Variants in KCMF1 observed in about 807,000 individuals in gnomAD.
KCMF1 encodes E3 ubiquitin-protein ligase KCMF1.
Under a neutral mutation model 41.1 loss-of-function variants are expected in KCMF1, and 3 were observed. The observed-to-expected ratio is 0.07, with a 90% CI of 0.03 to 0.19. The LOEUF (loss-of-function observed/expected upper bound fraction) is 0.19, where lower values mean the gene tolerates loss of function less well. Ranked by LOEUF, KCMF1 falls within the 10% of genes least tolerant of loss-of-function variation. The pLI, the probability that KCMF1 is intolerant of heterozygous loss-of-function variation, is 1.00. For synonymous variants in KCMF1, 142 were observed against 164.5 expected (o/e 0.86, Z 1.04); for missense variants, 286 against 488.9 (o/e 0.58, Z 3.91).
intron 1 of KCMF1, among the ~76,000 whole-genome samples, chr2:85,024,619 TGAGAAA>T (rs1303024103): frequency 1.3e-5 from 2 of 151,732 alleles, no homozygotes; most frequent in South Asian, 2.1e-4. Context: ...CGTGTGTGTG[TGAGAAA>T]GAGAAAGATT....
At chr2:85,008,635 G>A (rs1674575226) in intron 1 of KCMF1, among the ~76,000 whole-genome samples, 1 of 151,634 alleles carries the variant, frequency 6.6e-6, no homozygotes, top group Non-Finnish European at 1.5e-5. Context: ...AAAGAAGGAG[G>A]CAGAGCATTG....
intron 1 of KCMF1, among the ~76,000 whole-genome samples, chr2:84,983,449 C>T (rs1011398183): frequency 6.6e-6 from 1 of 152,184 alleles, no homozygotes; most frequent in South Asian, 2.1e-4. Flanking sequence ...ACCTCAATCT[C>T]CTGAGTGGAT....
intron 1 of KCMF1, among the ~76,000 whole-genome samples, chr2:84,986,881 CAAA>C (rs1192661086): frequency 6.6e-6 from 1 of 151,502 alleles, no homozygotes; most frequent in Non-Finnish European, 1.5e-5. Context: ...GACTCCGTCT[CAAA>C]AAAAAGAAAG....
chr2:85,056,816 A>C lies in KCMF1; in HGVS notation c.*3407A>C, dbSNP rs957270550. The C allele has an allele frequency of 6.6e-6, 1 of 152,198 alleles. No individual in the cohort carries two copies. 9.4% of individuals were successfully genotyped at this position (152,198 alleles called of 1,614,324 possible). A position where few individuals can be genotyped will look rare whatever the true frequency, so the allele number is the denominator to read the frequency against. ...CCTGCAGCCGTGTTTACTATATATG[A>C]CATGCCTGTTTCTTAGTTTGCATGC... On this transcript the variant is annotated 3_prime_UTR_variant, in exon 7 of 7. Coordinates refer to ENST00000409785, the MANE Select transcript of KCMF1 (RefSeq NM_020122.5).
intron 6 of KCMF1, among the ~76,000 whole-genome samples, chr2:85,051,093 G>A (rs559534797): frequency 5.3e-5 from 8 of 152,286 alleles, no homozygotes; most frequent in East Asian, 3.9e-4. Flanking sequence ...AATGGTACTC[G>A]TTATCAACAT....
intron 4 of KCMF1, 120 bp downstream of exon 4, chr2:85,043,785 A>C (rs1193369242): frequency 5.7e-6 from 4 of 706,608 alleles, no homozygotes; most frequent in Non-Finnish European, 1.0e-5. Context: ...CCTGAGCTCA[A>C]GTGATCCTCC....
intron 1 of KCMF1, among the ~76,000 whole-genome samples, chr2:84,990,312 C>T (rs762483029): frequency 6.6e-6 from 1 of 152,072 alleles, no homozygotes; most frequent in Non-Finnish European, 1.5e-5. Flanking sequence ...TATTTTGGCA[C>T]ATAATAGAGA....
chr2:84,991,092 G>T (rs75665928), intron 1 of KCMF1, among the ~76,000 whole-genome samples: 1 of 152,190 alleles, frequency 6.6e-6, no homozygotes, highest in African/African-American at 2.4e-5. Context: ...ATGGAGGCAT[G>T]ACAGTGATGA....
chr2:84,983,218 A>G (rs913346034), intron 1 of KCMF1, among the ~76,000 whole-genome samples: 2 of 152,240 alleles, frequency 1.3e-5, no homozygotes, highest in African/African-American at 4.8e-5. Flanking sequence ...TTAAAAAAGG[A>G]GGTGAAATTA....
At chr2:84,994,801 T>G (rs1370287513) in intron 1 of KCMF1, among the ~76,000 whole-genome samples, 2 of 152,214 alleles carry the variant, frequency 1.3e-5, no homozygotes, top group Non-Finnish European at 2.9e-5. Context: ...CCAGATAAGA[T>G]CCACATGTTA....
At chr2:84,993,829 G>T (rs1674106188) in intron 1 of KCMF1, among the ~76,000 whole-genome samples, 1 of 151,996 alleles carries the variant, frequency 6.6e-6, no homozygotes, top group Non-Finnish European at 1.5e-5. Flanking sequence ...GCCCACCTTG[G>T]CCTCCCAAAG....
Position 84,988,232 on chromosome 2 carries a change from C to CA in KCMF1, c.16+16778dup, listed in dbSNP as rs879272344. 9.2e-4 allele frequency among the ~76,000 whole-genome samples: 119 copies of CA among 129,926 alleles called. 1 individual carries two copies. Among genetic ancestry groups the CA allele is most frequent in the South Asian group, 4.2e-3 (17 of 4,096 alleles). 85.2% of individuals were successfully genotyped at this position (129,926 alleles called of 152,430 possible). ...GGGCAACAAGAGTGAAACTCCATTT[C>CA]AAAAAAAAAAAAAGTAGGCTTCTTG... is the stretch of plus-strand genomic sequence containing the variant. On this transcript the variant is annotated intron_variant, in intron 1 of 6. Coordinates refer to ENST00000409785, the MANE Select transcript of KCMF1 (RefSeq NM_020122.5).
At chr2:85,029,039 G>A (rs1407471200) in intron 2 of KCMF1, among the ~76,000 whole-genome samples, 1 of 151,834 alleles carries the variant, frequency 6.6e-6, no homozygotes, top group African/African-American at 2.4e-5. Flanking sequence ...GCCGGATTTC[G>A]GCTCACTGCA....
intron 1 of KCMF1, among the ~76,000 whole-genome samples, chr2:85,015,310 A>G (rs1392159199): frequency 6.6e-6 from 1 of 151,952 alleles, no homozygotes; most frequent in Non-Finnish European, 1.5e-5. Context: ...GAATTCCCAC[A>G]TTGTCCCAGG....
chr2:85,046,293 C>T lies in KCMF1; in HGVS notation c.601+15C>T, dbSNP rs530797475. 1 of 1,601,722 alleles carries T rather than the reference C, an allele frequency of 6.2e-7. No individual in the cohort carries two copies. ...TCCTATAGCTGGTAAGTTAGTTTCA[C>T]ATTAATAAGGGAAATGGCAGGGGAA... On this transcript the variant is annotated intron_variant, in intron 5 of 6. Transcript: ENST00000409785.
At chr2:84,975,414 C>A (rs1033653722) in intron 1 of KCMF1, among the ~76,000 whole-genome samples, 2 of 152,116 alleles carry the variant, frequency 1.3e-5, no homozygotes, top group African/African-American at 2.4e-5. Flanking sequence ...GAAATGAGTT[C>A]ACAGACTGAA....
chr2:84,979,981 C>G (rs1034964849), intron 1 of KCMF1, among the ~76,000 whole-genome samples: 20 of 151,866 alleles, frequency 1.3e-4, no homozygotes, highest in Non-Finnish European at 2.2e-4. Flanking sequence ...CGCCACCACG[C>G]CCGGCTAATT....
chr2:85,002,509 A>G (rs1165183980), intron 1 of KCMF1, among the ~76,000 whole-genome samples: 1 of 152,206 alleles, frequency 6.6e-6, no homozygotes, highest in African/African-American at 2.4e-5. Flanking sequence ...GGTTTTTCCT[A>G]ATGTTAATAG....
At chr2:84,987,501 A>G (rs973126336) in intron 1 of KCMF1, among the ~76,000 whole-genome samples, 8 of 152,260 alleles carry the variant, frequency 5.3e-5, no homozygotes, top group Non-Finnish European at 1.0e-4. Context: ...ATTGCAGGAC[A>G]GCCAGCCAGA....
Sources: gnomAD v4.1 joint callset for allele counts (sites outside exome capture counted in the v4.1 genomes callset) on GRCh38, gnomAD v4.1.1 for gene constraint, MANE v1.5 for transcripts, NCBI Gene and HGNC (gene_info 2026-07-23, HGNC 2026-07-21) for gene names.